The following MGAT4C variants were observed in gnomAD, a reference collection of about 807,000 sequenced individuals.
MGAT4C encodes the protein MGAT4 family member C.
Under a neutral mutation model 40.1 loss-of-function variants are expected in MGAT4C, and 19 were observed. The ratio of observed to expected loss-of-function variants is 0.47; its 90% CI spans 0.33 to 0.70. The LOEUF (loss-of-function observed/expected upper bound fraction) is 0.70. Ranked by LOEUF, MGAT4C falls within the 30% of genes least tolerant of loss-of-function variation. MGAT4C has a pLI of 0.02. For synonymous variants in MGAT4C, 181 were observed against 187.1 expected (o/e 0.97, Z 0.27); for missense variants, 491 against 563.2 (o/e 0.87, Z 1.30).
Position 85,977,245 on chromosome 12 carries a change from C to A in MGAT4C, c.*2044G>T, listed in dbSNP as rs751331151. On this transcript the variant is annotated 3_prime_UTR_variant, in exon 5 of 5. Transcript: ENST00000611864. ...GTTACAACTCATTTCAGGGAGTCTG[C>A]CTAGCTCTTGATATTACATGTCTTT... is the stretch of plus-strand genomic sequence containing the variant. 2 of 151,356 alleles carry A rather than the reference C, an allele frequency of 1.3e-5. No homozygotes were observed. The highest frequency in any genetic ancestry group is 6.6e-5 in the Admixed American group (1 of 15,148). 9.4% of individuals were successfully genotyped at this position (151,356 alleles called of 1,614,324 possible).
At chr12:86,110,302 A>ATATATATATAGACTATATATATATAGAC (rs1592965459) in intron 1 of MGAT4C, among the ~76,000 whole-genome samples, 2 of 82,918 alleles carry the variant, frequency 2.4e-5, no homozygotes, top group African/African-American at 1.3e-4. Flanking sequence ...TAGTCTCTCT[A>ATATATATATAGACTATATATATATAGAC]TATATATATA....
At chr12:86,255,418 C>G (rs1011424896) in intron 1 of MGAT4C, among the ~76,000 whole-genome samples, 2 of 152,120 alleles carry the variant, frequency 1.3e-5, no homozygotes, top group South Asian at 2.1e-4. Flanking sequence ...AATCACCTAT[C>G]CATAGCAGTT....
chr12:86,816,450 T>A (rs1160443535), intron 1 of MGAT4C, among the ~76,000 whole-genome samples: 2 of 151,750 alleles, frequency 1.3e-5, no homozygotes, highest in East Asian at 1.9e-4. Context: ...AGGTTTCAAA[T>A]TTTTTTAAAA....
chr12:85,988,711 A>G (rs1278701465), intron 3 of MGAT4C, among the ~76,000 whole-genome samples: 2 of 151,974 alleles, frequency 1.3e-5, no homozygotes, highest in African/African-American at 4.8e-5. Flanking sequence ...TGAAACTAAC[A>G]TATTAATTTT....
intron 2 of MGAT4C, among the ~76,000 whole-genome samples, chr12:86,502,233 G>C (rs1958358373): frequency 6.6e-6 from 1 of 152,144 alleles, no homozygotes; most frequent in South Asian, 2.1e-4. Context: ...TCATAAGTGA[G>C]AGAAGCAAAT....
At chr12:86,390,701 A>T (rs1283197248) in intron 3 of MGAT4C, among the ~76,000 whole-genome samples, 1 of 152,178 alleles carries the variant, frequency 6.6e-6, no homozygotes, top group African/African-American at 2.4e-5. Context: ...AAATCTGGTG[A>T]CCAGTAGTCG....
chr12:86,038,136 G>A (rs542549542), intron 2 of MGAT4C, among the ~76,000 whole-genome samples: 26 of 149,740 alleles, frequency 1.7e-4, no homozygotes, highest in African/African-American at 6.3e-4. Context: ...GGGTCGAAAG[G>A]GCAAGTGCAT....
rs547545921 is a variant in MGAT4C at position 85,970,496 on chromosome 12, A to C, written c.*8793T>G. The C allele has an allele frequency of 1.3e-5, 2 of 151,414 alleles. No individual in the cohort carries two copies. The highest frequency in any genetic ancestry group is 4.1e-4 in the South Asian group (2 of 4,824). 9.4% of individuals were successfully genotyped at this position (151,414 alleles called of 1,614,324 possible). Reference sequence around the variant, plus strand: ...CCTTATGCTAACTTAAAACTTGTGAATGTTTAGTGTTATCCAGCTATAATT... The same window carrying C: ...CCTTATGCTAACTTAAAACTTGTGACTGTTTAGTGTTATCCAGCTATAATT... On this transcript the variant is annotated 3_prime_UTR_variant, in exon 5 of 5. Transcript: ENST00000611864.
intron 1 of MGAT4C, among the ~76,000 whole-genome samples, chr12:86,834,171 GATAGAT>G (rs63091261): frequency 0.41 from 60,213 of 146,948 alleles, 12,644 homozygotes; most frequent in East Asian, 0.62. Context: ...GATAGAGATA[GATAGAT>G]ATAGATATAG....
intron 1 of MGAT4C, among the ~76,000 whole-genome samples, chr12:86,229,799 G>A (rs1411131184): frequency 6.6e-6 from 1 of 151,986 alleles, no homozygotes; most frequent in Admixed American, 6.6e-5. Flanking sequence ...TATATGGTAG[G>A]AAACATTATA....
chr12:86,384,387 T>C (rs1377731797), intron 3 of MGAT4C, among the ~76,000 whole-genome samples: 1 of 152,206 alleles, frequency 6.6e-6, no homozygotes, highest in African/African-American at 2.4e-5. Context: ...ATATAGACTT[T>C]AGAGATTTTC....
intron 2 of MGAT4C, among the ~76,000 whole-genome samples, 200 bp downstream of exon 2, chr12:86,049,474 A>G (rs543931935): frequency 1.3e-5 from 2 of 152,088 alleles, no homozygotes; most frequent in Admixed American, 1.3e-4. Context: ...GCTTGTACTC[A>G]GAAATGTTCA....
At chr12:86,700,954 A>G (rs943607903) in intron 2 of MGAT4C, among the ~76,000 whole-genome samples, 4 of 152,136 alleles carry the variant, frequency 2.6e-5, no homozygotes, top group South Asian at 2.1e-4. Context: ...TTATCAAAAT[A>G]TAATGTAAAC....
At chr12:86,515,536 A>G (rs1469488737) in intron 2 of MGAT4C, among the ~76,000 whole-genome samples, 1 of 152,130 alleles carries the variant, frequency 6.6e-6, no homozygotes, top group Non-Finnish European at 1.5e-5. Context: ...TTAAAAATTG[A>G]AAAGTAACAA....
intron 1 of MGAT4C, among the ~76,000 whole-genome samples, chr12:86,242,167 C>T (rs1303402137): frequency 6.6e-6 from 1 of 152,110 alleles, no homozygotes; most frequent in Admixed American, 6.5e-5. Context: ...GGGCCTCAAC[C>T]TCAAGTAGAA....
chr12:86,119,640 G>A (rs1049363405), intron 1 of MGAT4C, among the ~76,000 whole-genome samples: 5 of 150,642 alleles, frequency 3.3e-5, no homozygotes, highest in East Asian at 3.9e-4. Flanking sequence ...AACTCCTGAC[G>A]TCAGGTGATC....
At chr12:86,078,233 C>A (rs549106785) in intron 1 of MGAT4C, among the ~76,000 whole-genome samples, 1 of 152,146 alleles carries the variant, frequency 6.6e-6, no homozygotes, top group Non-Finnish European at 1.5e-5. Flanking sequence ...GTATTGTCAC[C>A]TAGCTGGCAT....
intron 3 of MGAT4C, among the ~76,000 whole-genome samples, chr12:86,429,702 A>T (rs1253797146): frequency 6.6e-6 from 1 of 151,654 alleles, no homozygotes; most frequent in Non-Finnish European, 1.5e-5. Flanking sequence ...TGTCCTCAGA[A>T]TTTTTTCTTG....
In MGAT4C at chr12:86,607,874, C is replaced by T. The variant is rs141462197; in HGVS notation, c.-229+119335G>A. On this transcript the variant is annotated intron_variant, in intron 2 of 7. Transcript: ENST00000548651. ...AGGGTTGGGGGAGAAACACATGTCA[C>T]CTGTTGGATATCTTTATGCCATCAT... is the stretch of plus-strand genomic sequence containing the variant. Among the ~76,000 whole-genome samples, 326 of 152,086 alleles carry T rather than the reference C, an allele frequency of 2.1e-3. 1 individual carries two copies. Among genetic ancestry groups the T allele is most frequent in the Non-Finnish European group, 3.9e-3 (265 of 67,992 alleles).
Sources: allele counts gnomAD v4.1 joint callset (sites outside exome capture counted in the v4.1 genomes callset), GRCh38; gene constraint gnomAD v4.1.1; transcripts MANE v1.5; gene names NCBI Gene and HGNC (gene_info 2026-07-23, HGNC 2026-07-21).